The following RXFP1 variants were observed in gnomAD, a reference collection of about 807,000 sequenced individuals.
RXFP1 encodes the protein relaxin receptor 1.
In RXFP1, 73 loss-of-function variants were observed where a neutral mutation model predicts 89.8. The ratio of observed to expected loss-of-function variants is 0.81; its 90% confidence interval spans 0.67 to 0.99. RXFP1 has a LOEUF of 0.99. RXFP1 is among the 50% of genes least tolerant of loss of function. RXFP1 has a pLI of 0.00. For missense variants in RXFP1, 793 were observed against 895.5 expected (o/e 0.89, Z 1.46); for synonymous variants, 277 against 305.5 (o/e 0.91, Z 0.97).
At chr4:158,630,717 T>C (rs1223371231) in intron 11 of RXFP1, among the ~76,000 whole-genome samples, 1 of 152,218 alleles carries the variant, frequency 6.6e-6, no homozygotes, top group African/African-American at 2.4e-5. Context: ...CCTAATCCCA[T>C]ATTAAACACT....
At chr4:158,556,807 G>A (rs1173948455) in intron 1 of RXFP1, among the ~76,000 whole-genome samples, 1 of 152,162 alleles carries the variant, frequency 6.6e-6, no homozygotes, top group Non-Finnish European at 1.5e-5. Context: ...TGGACATTAT[G>A]ATAAGTAAAA....
chr4:158,598,169 A>G (rs933835410), intron 3 of RXFP1, among the ~76,000 whole-genome samples: 1 of 152,192 alleles, frequency 6.6e-6, no homozygotes, highest in Admixed American at 6.5e-5. Context: ...CTGGAAGCCT[A>G]CAAGCAGAAA....
Position 158,652,233 on chromosome 4 carries a change from C to A in RXFP1, c.*178C>A. 1.9e-6 allele frequency: 1 copy of A among 539,682 alleles called. No individual in the cohort carries two copies. The highest frequency in any genetic ancestry group is 3.2e-6 in the Non-Finnish European group (1 of 311,274). The allele number at this position is 539,682 out of a possible 1,614,324, so 33.4% of individuals were successfully genotyped here. On this transcript the variant is annotated 3_prime_UTR_variant, in exon 18 of 18. Transcript: ENST00000307765. ...CTCTTACAAAGGGAAGTAATTATAT[C>A]AATAATGTATATATATTAGTAGACA...
At chr4:158,631,847 C>A (rs1353198268) in intron 11 of RXFP1, among the ~76,000 whole-genome samples, 2 of 152,166 alleles carry the variant, frequency 1.3e-5, no homozygotes, top group African/African-American at 2.4e-5. Flanking sequence ...AATCCCAGCA[C>A]TTTGGGAGGC....
intron 1 of RXFP1, among the ~76,000 whole-genome samples, chr4:158,544,987 G>T (rs1426722264): frequency 6.6e-6 from 1 of 151,716 alleles, no homozygotes; most frequent in East Asian, 1.9e-4. Flanking sequence ...TGGGTCAAAT[G>T]GTATTTCTAG....
rs1444024049 is a variant in RXFP1 at position 158,572,853 on chromosome 4, A to T, written c.187+18A>T. ...CAACTGTGGTGAGTGAAGCCCCTGC[A>T]GTCACGGTGAGAGAAAGGAGCAGAA... On this transcript the variant is annotated intron_variant, in intron 2 of 17. Coordinates refer to ENST00000307765, the MANE Select transcript of RXFP1 (RefSeq NM_021634.4). The T allele has an allele frequency of 6.2e-7, 1 of 1,613,592 alleles. No individual in the cohort carries two copies. Among genetic ancestry groups the T allele is most frequent in the Non-Finnish European group, 8.5e-7 (1 of 1,179,646 alleles).
chr4:158,650,297 G>T (rs972702799), intron 17 of RXFP1, among the ~76,000 whole-genome samples: 1 of 152,016 alleles, frequency 6.6e-6, no homozygotes, highest in Non-Finnish European at 1.5e-5. Context: ...TCTGGAGATG[G>T]ATGGTGGTTA....
At chr4:158,537,395 T>C (rs1210473924) in intron 1 of RXFP1, among the ~76,000 whole-genome samples, 2 of 152,106 alleles carry the variant, frequency 1.3e-5, no homozygotes, top group Non-Finnish European at 2.9e-5. Context: ...CCCTAGAGTG[T>C]CTATGAGGTA....
At chr4:158,531,542 T>C (rs1340646724) in intron 1 of RXFP1, among the ~76,000 whole-genome samples, 4 of 152,180 alleles carry the variant, frequency 2.6e-5, no homozygotes, top group African/African-American at 7.2e-5. Flanking sequence ...CTTTTTTTCC[T>C]CAGAAAGCAC....
At chr4:158,644,832 T>C in intron 14 of RXFP1, 77 bp from the exon 15 acceptor site, 1 of 958,422 alleles carries the variant, frequency 1.0e-6, no homozygotes, top group Non-Finnish European at 1.6e-6. Flanking sequence ...ACCGATAAAA[T>C]GTAGGAAATA....
rs187147299 is a variant in RXFP1 at position 158,651,901 on chromosome 4, G to A, written c.2120G>A (p.Ser707Asn). Residue 707 changes from serine to asparagine, a missense_variant, in exon 18 of 18, where the codon AGC (serine) becomes AAC (asparagine). Physicochemically the swap from Ser to Asn is conservative, Grantham distance 46. Coordinates refer to ENST00000307765, the MANE Select transcript of RXFP1 (RefSeq NM_021634.4). Reference sequence around the variant, plus strand: ...TACAGACAAAGAAAATCTATGGACAGCAAAGGTCAGAAAACATATGCTCCA... The same window carrying A: ...TACAGACAAAGAAAATCTATGGACAACAAAGGTCAGAAAACATATGCTCCA... ...YNYRQRKSMDSKGQKTYAPSF... is the reference protein window; with the variant it reads ...YNYRQRKSMDNKGQKTYAPSF... 882 of 1,614,118 alleles carry A rather than the reference G, an allele frequency of 5.5e-4. 10 individuals are homozygous for A. In the African/African-American group the frequency reaches 0.01, roughly 19 times the overall value.
intron 1 of RXFP1, among the ~76,000 whole-genome samples, chr4:158,522,498 G>T (rs1016189303): frequency 3.3e-5 from 5 of 152,066 alleles, no homozygotes; most frequent in African/African-American, 1.2e-4. Flanking sequence ...TATTTAGCAA[G>T]GTTTATCACT....
chr4:158,581,244 C>G (rs1757303704), intron 2 of RXFP1, among the ~76,000 whole-genome samples: 1 of 152,220 alleles, frequency 6.6e-6, no homozygotes, highest in African/African-American at 2.4e-5. Flanking sequence ...CACATTCTCT[C>G]ATTCCTCCTC....
rs1766658287 is a variant in RXFP1, at chr4:158,626,111, T to TAG, written c.756-708_756-707insGA. ...CAGGAGGATTATATTTAGATATCTA[T>TAG]ATAGATAGATAGATAGATAGATAGA... On this transcript the variant is annotated intron_variant, in intron 9 of 17. Coordinates refer to ENST00000307765, the MANE Select transcript of RXFP1 (RefSeq NM_021634.4). 3.5e-3 allele frequency among the ~76,000 whole-genome samples: 476 copies of TAG among 136,678 alleles called. 8 individuals are homozygous for TAG. The highest frequency in any genetic ancestry group is 0.012 in the African/African-American group (405 of 34,170). The allele number at this position is 136,678 out of a possible 152,430, so 89.7% of individuals were successfully genotyped here. A position where few individuals can be genotyped will look rare whatever the true frequency, so the allele number is the denominator to read the frequency against.
At position 158,572,741 on chromosome 4, in the gene RXFP1, T is replaced by C. The variant is rs747298846; in HGVS notation, c.93T>C (p.Tyr31=). 6.2e-7 allele frequency: 1 copy of C among 1,614,200 alleles called. No individual in the cohort carries two copies. The highest frequency in any genetic ancestry group is 1.1e-5 in the South Asian group (1 of 91,088). ...GGQDVKCSLG[Y]FPCGNITKCL... ...AGGATGTCAAGTGCTCCCTTGGCTA[T>C]TTCCCCTGTGGGAACATCACAAAGT... The change falls in exon 2 of 18, where the codon TAT becomes TAC. Residue 31 remains tyrosine, a synonymous_variant. Transcript: ENST00000307765.
At chr4:158,526,483 T>C (rs760077723) in intron 1 of RXFP1, among the ~76,000 whole-genome samples, 11 of 152,328 alleles carry the variant, frequency 7.2e-5, no homozygotes, top group Non-Finnish European at 1.2e-4. Context: ...CCAAAAGCTC[T>C]TTCCTTCTTT....
At chr4:158,648,436 A>C in intron 16 of RXFP1, 63 bp from the exon 17 acceptor site, 3 of 970,456 alleles carry the variant, frequency 3.1e-6, no homozygotes, top group Non-Finnish European at 4.5e-6. Context: ...TGTTTTATTT[A>C]TGTTTGTTCA....
chr4:158,545,362 T>C (rs934967152), intron 1 of RXFP1, among the ~76,000 whole-genome samples: 5 of 152,232 alleles, frequency 3.3e-5, no homozygotes, highest in Non-Finnish European at 5.9e-5. Context: ...CTTTGTCAGA[T>C]AGGTAGGTTG....
At chr4:158,626,656 A>C (rs1041985177) in intron 9 of RXFP1, among the ~76,000 whole-genome samples, 164 bp from the exon 10 acceptor site, 1 of 151,988 alleles carries the variant, frequency 6.6e-6, no homozygotes, top group Non-Finnish European at 1.5e-5. Context: ...ATAGATATTT[A>C]TATATATAAT....
Sources: gnomAD v4.1 joint callset for allele counts (sites outside exome capture counted in the v4.1 genomes callset) on GRCh38, gnomAD v4.1.1 for gene constraint, MANE v1.5 for transcripts, NCBI Gene and HGNC (gene_info 2026-07-23, HGNC 2026-07-21) for gene names.